TLK2: variants seen among roughly 807,000 people sequenced by gnomAD.
TLK2 encodes the protein tousled like kinase 2.
A neutral mutation model predicts 117.3 loss-of-function variants in TLK2; 6 were observed. That is an observed-to-expected ratio of 0.05 (90% confidence interval 0.03 to 0.10). TLK2 has a LOEUF of 0.10. TLK2 is among the 10% of genes least tolerant of loss of function. TLK2 has a pLI of 1.00. For synonymous variants in TLK2, 257 were observed against 316.7 expected (o/e 0.81, Z 2.00); for missense variants, 299 against 901.2 (o/e 0.33, Z 8.56).
intron 10 of TLK2, 152 bp from the exon 11 acceptor site, chr17:62,564,849 T>C (rs1226841580): frequency 2.0e-5 from 18 of 881,650 alleles, no homozygotes; most frequent in African/African-American, 3.4e-5. Context: ...TAGGAATAGT[T>C]AGTCATCCGA....
At chr17:62,554,539 G>A (rs2078702581) in intron 9 of TLK2, among the ~76,000 whole-genome samples, 2 of 152,092 alleles carry the variant, frequency 1.3e-5, no homozygotes, top group South Asian at 2.1e-4. Context: ...CTGAGATTGC[G>A]CCACTGCATT....
upstream of TLK2, chr17:62,478,083 T>C (rs1434174342): frequency 6.6e-6 from 1 of 151,442 alleles, no homozygotes; most frequent in Middle Eastern, 3.2e-3. Context: ...GCCAGCCAGG[T>C]ACGTGGAGGG....
intron 2 of TLK2, among the ~76,000 whole-genome samples, chr17:62,504,558 CT>C (rs2074501302): frequency 1.3e-5 from 2 of 152,148 alleles, no homozygotes; most frequent in African/African-American, 2.4e-5. Flanking sequence ...AATCTGTGCA[CT>C]TTGGGAGGCC....
intron 2 of TLK2, among the ~76,000 whole-genome samples, chr17:62,486,742 A>G (rs767769816): frequency 8.5e-5 from 13 of 152,340 alleles, no homozygotes; most frequent in Middle Eastern, 3.4e-3. Context: ...TGTGCCAGGT[A>G]CTGTTCCAAC....
Position 62,607,012 on chromosome 17 carries a change from C to CTTTTTTTTTTTTTTTTTTTTTT in TLK2, c.1971+789_1971+790insTTTTTTTTTTTTTTTTTTTTTT, listed in dbSNP as rs10680028. ...CCTTCCTCTTTAGCTTCTCCTTGGTCTTTTTTTTTTTTTTTTTTCTATCTC... is the reference window on the plus strand; with the variant it reads ...CCTTCCTCTTTAGCTTCTCCTTGGTCTTTTTTTTTTTTTTTTTTTTTTTTTTTTTTTTTTTTTTTTCTATCTC... On this transcript the variant is annotated intron_variant, in intron 20 of 21. Transcript: ENST00000346027. Among the ~76,000 whole-genome samples, 2 of 123,566 alleles carry CTTTTTTTTTTTTTTTTTTTTTT rather than the reference C, an allele frequency of 1.6e-5. 1 individual carries two copies. Among genetic ancestry groups the CTTTTTTTTTTTTTTTTTTTTTT allele is most frequent in the Non-Finnish European group, 3.3e-5 (2 of 61,140 alleles). 81.1% of individuals were successfully genotyped at this position (123,566 alleles called of 152,430 possible). A position where few individuals can be genotyped will look rare whatever the true frequency, so the allele number is the denominator to read the frequency against.
chr17:62,514,554 A>G (rs2075411378), intron 2 of TLK2, among the ~76,000 whole-genome samples: 1 of 151,430 alleles, frequency 6.6e-6, no homozygotes, highest in Non-Finnish European at 1.5e-5. Context: ...AATACACATA[A>G]CATAAAATTT....
At chr17:62,606,580 C>A (rs1459560827) in intron 20 of TLK2, among the ~76,000 whole-genome samples, 1 of 152,184 alleles carries the variant, frequency 6.6e-6, no homozygotes, top group African/African-American at 2.4e-5. Flanking sequence ...TTCCCAAGAA[C>A]CTGGGGGCCC....
At chr17:62,542,651 C>G (rs1255964965) in intron 7 of TLK2, among the ~76,000 whole-genome samples, 1 of 151,990 alleles carries the variant, frequency 6.6e-6, no homozygotes, top group Admixed American at 6.6e-5. Context: ...ATTGCAAAAC[C>G]AAATGATTTT....
intron 7 of TLK2, among the ~76,000 whole-genome samples, chr17:62,546,995 T>G (rs1881816312): frequency 6.6e-6 from 1 of 152,352 alleles, no homozygotes; most frequent in Admixed American, 6.5e-5. Flanking sequence ...TTATTCATGT[T>G]CTTTACTTTT....
At chr17:62,554,640 G>T (rs1205003533) in intron 9 of TLK2, among the ~76,000 whole-genome samples, 1 of 152,120 alleles carries the variant, frequency 6.6e-6, no homozygotes, top group Admixed American at 6.6e-5. Context: ...TGCCACTTTG[G>T]GAGGCTGAGG....
chr17:62,547,129 G>A (rs1290774981), intron 7 of TLK2, among the ~76,000 whole-genome samples: 1 of 152,000 alleles, frequency 6.6e-6, no homozygotes, highest in African/African-American at 2.4e-5. Context: ...AACCAAAGCA[G>A]TTTGTCATTT....
At chr17:62,608,594 G>A (rs2083485861) in intron 21 of TLK2, among the ~76,000 whole-genome samples, 1 of 152,176 alleles carries the variant, frequency 6.6e-6, no homozygotes, top group South Asian at 2.1e-4. Flanking sequence ...ATATACCCAA[G>A]ACTGGGTAAT....
At chr17:62,605,964 G>A (rs534083200) in intron 19 of TLK2, 166 bp from the exon 20 acceptor site, 18 of 295,806 alleles carry the variant, frequency 6.1e-5, no homozygotes, top group Middle Eastern at 1.0e-3. Context: ...CCATGATCAC[G>A]CCACTGTACT....
chr17:62,508,086 G>C (rs1055490300), intron 2 of TLK2, among the ~76,000 whole-genome samples: 4 of 150,116 alleles, frequency 2.7e-5, no homozygotes, highest in African/African-American at 9.8e-5. Flanking sequence ...AATTAGTTTT[G>C]ATTTAACAAA....
chr17:62,475,561 G>C (rs2071022763), upstream of TLK2, among the ~76,000 whole-genome samples: 1 of 152,030 alleles, frequency 6.6e-6, no homozygotes, highest in African/African-American at 2.4e-5. Flanking sequence ...GGCCAGGCTG[G>C]ATCTCAATCT....
At chr17:62,516,070 G>T (rs1434995117) in intron 2 of TLK2, among the ~76,000 whole-genome samples, 1 of 151,682 alleles carries the variant, frequency 6.6e-6, no homozygotes, top group African/African-American at 2.4e-5. Context: ...AATTACAGGC[G>T]CCCGCCACCA....
At chr17:62,499,157 A>G (rs549010573) in intron 2 of TLK2, among the ~76,000 whole-genome samples, 1 of 152,036 alleles carries the variant, frequency 6.6e-6, no homozygotes, top group African/African-American at 2.4e-5. Flanking sequence ...CCTGGCGACC[A>G]CGGCAAAACC....
intron 16 of TLK2, among the ~76,000 whole-genome samples, chr17:62,592,556 T>C (rs2082156308): frequency 6.6e-6 from 1 of 152,204 alleles, no homozygotes; most frequent in Non-Finnish European, 1.5e-5. Flanking sequence ...CTGTATGGTA[T>C]AGCCCATTGC....
At chr17:62,572,655 G>C (rs555214561) in intron 11 of TLK2, among the ~76,000 whole-genome samples, 1 of 152,118 alleles carries the variant, frequency 6.6e-6, no homozygotes, top group Non-Finnish European at 1.5e-5. Flanking sequence ...ACTTAATCTA[G>C]GTGTCACTGT....
Sources: allele counts gnomAD v4.1 joint callset (sites outside exome capture counted in the v4.1 genomes callset), GRCh38; gene constraint gnomAD v4.1.1; transcripts MANE v1.5; gene names NCBI Gene and HGNC (gene_info 2026-07-23, HGNC 2026-07-21).